Variants in REPS2 observed in about 807,000 individuals in gnomAD.
The protein encoded by REPS2 is ralBP1-associated Eps domain-containing protein 2.
In REPS2, 23 loss-of-function variants were observed where a neutral mutation model predicts 53.6. That is an observed-to-expected ratio of 0.43 (90% CI 0.31 to 0.61). REPS2 has a LOEUF of 0.61. REPS2 is among the 20% of genes least tolerant of loss of function. The pLI is 0.11. For missense variants in REPS2, 446 were observed against 534.9 expected (o/e 0.83, Z 1.64); for synonymous variants, 238 against 218.6 (o/e 1.09, Z -0.78).
chrX:17,077,285 C>T lies in REPS2; in HGVS notation c.1394C>T (p.Thr465Ile), dbSNP rs1479077200. The change falls in exon 13 of 18, where the codon ACC (threonine) becomes ATC (isoleucine). Residue 465 changes from threonine (T) to isoleucine (I), a missense_variant. Thr to Ile is a moderately conservative substitution (Grantham distance 89). Coordinates refer to ENST00000357277, the MANE Select transcript of REPS2 (RefSeq NM_004726.3). The part of the protein sequence containing the change: ...ARPRSRSYSS[T>I]SIEEAMKRGE... ...TTTTGCTACAGATCTTACTCTAGCA[C>T]CTCCATAGAAGAGGCCATGAAAAGG... 5.9e-6 allele frequency: 7 copies of T among 1,194,644 alleles called. No homozygotes were observed. Among genetic ancestry groups the T allele is most frequent in the Non-Finnish European group, 7.9e-6 (7 of 889,168 alleles).
At chrX:17,043,345 A>G (rs755663637) in intron 5 of REPS2, among the ~76,000 whole-genome samples, 12 of 111,084 alleles carry the variant, frequency 1.1e-4, no homozygotes, top group Non-Finnish European at 1.9e-5. Context: ...TTGGGTTCTC[A>G]TGGGAATCTA....
At chrX:17,095,426 A>G (rs1195439067) in intron 13 of REPS2, among the ~76,000 whole-genome samples, 2 of 111,481 alleles carry the variant, frequency 1.8e-5, no homozygotes, top group African/African-American at 6.5e-5. Flanking sequence ...GCCTTCCCTG[A>G]AAAGAAAACT....
intron 15 of REPS2, among the ~76,000 whole-genome samples, chrX:17,134,671 C>G (rs2063338798): frequency 9.1e-6 from 1 of 110,198 alleles, no homozygotes; most frequent in Non-Finnish European, 1.9e-5. Context: ...GCTTTGTTGC[C>G]CAGGCTGGAG....
At chrX:16,980,855 A>G (rs1229598450) in intron 1 of REPS2, among the ~76,000 whole-genome samples, 2 of 112,289 alleles carry the variant, frequency 1.8e-5, no homozygotes, top group African/African-American at 3.2e-5. Context: ...GCACTATCAT[A>G]TGTTCATTTT....
chrX:17,130,156 A>G (rs1007732314), intron 14 of REPS2, among the ~76,000 whole-genome samples: 2 of 111,928 alleles, frequency 1.8e-5, no homozygotes, highest in African/African-American at 6.5e-5. Flanking sequence ...CTTTTGGCTC[A>G]TAGAGCTTGG....
chrX:17,114,924 G>A (rs1374252048), intron 14 of REPS2, among the ~76,000 whole-genome samples: 1 of 111,921 alleles, frequency 8.9e-6, no homozygotes, highest in South Asian at 3.7e-4. Flanking sequence ...CCACTGCTCC[G>A]GATTGTACTG....
intron 6 of REPS2, among the ~76,000 whole-genome samples, chrX:17,049,469 C>T (rs992558574): frequency 1.3e-4 from 14 of 110,899 alleles, no homozygotes; most frequent in Admixed American, 4.8e-4. Flanking sequence ...AAAGTTTATA[C>T]GTGTTTGTGT....
chrX:17,147,487 C>A lies in REPS2; in HGVS notation c.*6C>A, dbSNP rs2063528499. 2 of 1,185,998 alleles carry A rather than the reference C, an allele frequency of 1.7e-6. No individual in the cohort carries two copies. Among genetic ancestry groups the A allele is most frequent in the Non-Finnish European group, 2.3e-6 (2 of 878,524 alleles). On this transcript the variant is annotated 3_prime_UTR_variant, in exon 18 of 18. Coordinates refer to ENST00000357277, the MANE Select transcript of REPS2 (RefSeq NM_004726.3). ...GTCCGGTCACTGTGTTGTGACCCCC[C>A]CATGGTTCAAGTGACAGTGGGTGAC...
intron 5 of REPS2, among the ~76,000 whole-genome samples, chrX:17,041,081 A>T (rs1430484115): frequency 1.8e-5 from 2 of 111,862 alleles, no homozygotes; most frequent in Admixed American, 1.9e-4. Context: ...TGTCCTCAGC[A>T]TGGTGATTCA....
rs1717565439 is a variant in REPS2 at position 17,148,767 on chromosome X, C to T, written c.*1286C>T. On this transcript the variant is annotated 3_prime_UTR_variant, in exon 18 of 18. Transcript: ENST00000357277. Reference sequence around the variant, plus strand: ...CACAGGGCTACTGACCCTCACAGGGCATGCCAGCGTTAACACCACTTTGAG... The same window carrying T: ...CACAGGGCTACTGACCCTCACAGGGTATGCCAGCGTTAACACCACTTTGAG... 3 of 238,651 alleles carry T rather than the reference C, an allele frequency of 1.3e-5. No homozygotes were observed. The South Asian group carries it at 1.4e-4, about 11-fold the overall frequency. The allele number at this position is 238,651 out of a possible 1,213,427, so 19.7% of individuals were successfully genotyped here.
chrX:17,002,214 A>T (rs1164819902), intron 1 of REPS2, among the ~76,000 whole-genome samples: 2 of 110,622 alleles, frequency 1.8e-5, no homozygotes, highest in Non-Finnish European at 3.8e-5. Context: ...GGAGGGAAGG[A>T]GGGAGGGAGA....
In REPS2 at chrX:16,981,967, C is replaced by T. The variant is rs1282307468; in HGVS notation, c.274-24254C>T. ...CGCTTTAGCAGTCACCCTCCATTGC[C>T]CCCCAGTTTTCTAACCCCAGGCCCT... On this transcript the variant is annotated intron_variant, in intron 1 of 17. Transcript: ENST00000357277. Among the ~76,000 whole-genome samples the T allele has an allele frequency of 2.7e-5, 3 of 111,311 alleles. No individual in the cohort carries two copies. In the East Asian group the frequency reaches 8.4e-4, roughly 31 times the overall value.
At chrX:17,048,797 C>A (rs749885652) in intron 6 of REPS2, among the ~76,000 whole-genome samples, 3 of 112,481 alleles carry the variant, frequency 2.7e-5, no homozygotes, top group Non-Finnish European at 3.8e-5. Flanking sequence ...TGCTACCAGT[C>A]GTATAAAAGC....
At chrX:17,174,037 T>TA in the REPS2 span, among the ~76,000 whole-genome samples, 1,157 of 101,990 alleles carry the variant, frequency 0.011, 11 homozygotes, top group Admixed American at 0.029. Context: ...TCAAATGAAT[T>TA]AAAAAAAAAA....
intron 14 of REPS2, among the ~76,000 whole-genome samples, chrX:17,118,211 G>C (rs1021498963): frequency 9.2e-6 from 1 of 108,389 alleles, no homozygotes; most frequent in Admixed American, 9.8e-5. Flanking sequence ...CGCCCGCCTC[G>C]GCCTCCCAAA....
chrX:16,968,189 A>G (rs2060800896), intron 1 of REPS2, among the ~76,000 whole-genome samples: 1 of 111,678 alleles, frequency 9.0e-6, no homozygotes, highest in South Asian at 3.8e-4. Flanking sequence ...ATCCCAAGGC[A>G]GAAGAATTTT....
intron 13 of REPS2, among the ~76,000 whole-genome samples, chrX:17,081,851 A>G (rs958263635): frequency 6.2e-5 from 7 of 112,155 alleles, no homozygotes; most frequent in African/African-American, 1.9e-4. Context: ...GTGACAATGC[A>G]AGTATGCAAA....
intron 1 of REPS2, among the ~76,000 whole-genome samples, chrX:16,968,673 G>A (rs1358858058): frequency 3.0e-5 from 3 of 101,063 alleles, no homozygotes; most frequent in Non-Finnish European, 4.1e-5. Context: ...CCTCCCAGAC[G>A]GGGCGGCTGG....
intron 5 of REPS2, among the ~76,000 whole-genome samples, chrX:17,045,472 A>G (rs777532523): frequency 3.3e-4 from 36 of 110,619 alleles, no homozygotes; most frequent in Non-Finnish European, 4.9e-4. Context: ...AACAAGTAGG[A>G]GTGTGTGAAA....
Sources: allele counts gnomAD v4.1 joint callset (sites outside exome capture counted in the v4.1 genomes callset), GRCh38; gene constraint gnomAD v4.1.1; transcripts MANE v1.5; gene names NCBI Gene and HGNC (gene_info 2026-07-23, HGNC 2026-07-21).